FAM151B: variants seen among roughly 807,000 people sequenced by gnomAD.
The protein encoded by FAM151B is protein FAM151B.
Under a neutral mutation model 31.2 loss-of-function variants are expected in FAM151B, and 24 were observed. That is an observed-to-expected ratio of 0.77 (90% confidence interval 0.56 to 1.08). FAM151B has a LOEUF of 1.08. FAM151B is among the 50% of genes least tolerant of loss of function. The probability of loss-of-function intolerance (pLI) is 0.00; values close to 1 mark genes in which losing one functional copy is unlikely to be tolerated. For missense variants in FAM151B, 293 were observed against 328.6 expected (o/e 0.89, Z 0.84); for synonymous variants, 105 against 111.4 (o/e 0.94, Z 0.36).
chr5:80,500,817 TAAG>T lies in FAM151B; in HGVS notation c.26-971_26-969del, dbSNP rs893551568. On this transcript the variant is annotated intron_variant, in intron 1 of 5. Transcript: ENST00000282226. ...ACAAGCGTGGTTATGGCAAAATCAA[TAAG>T]AAGCGAATTGCTTTAACAGATAACA... 66 of 1,487,134 alleles carry T rather than the reference TAAG, an allele frequency of 4.4e-5. No individual in the cohort carries two copies. In the Admixed American group the frequency reaches 6.2e-4, roughly 14 times the overall value. 92.1% of individuals were successfully genotyped at this position (1,487,134 alleles called of 1,614,324 possible). A position where few individuals can be genotyped will look rare whatever the true frequency, so the allele number is the denominator to read the frequency against.
intron 1 of FAM151B, among the ~76,000 whole-genome samples, chr5:80,497,414 C>CAA (rs1187044492): frequency 1.0e-4 from 6 of 58,314 alleles, no homozygotes; most frequent in African/African-American, 1.2e-4. Context: ...GACTCCGGCT[C>CAA]AAAAAAAAAA....
At chr5:80,535,705 C>T (rs1053428937) in intron 5 of FAM151B, among the ~76,000 whole-genome samples, 2 of 152,146 alleles carry the variant, frequency 1.3e-5, no homozygotes, top group African/African-American at 4.8e-5. Flanking sequence ...TAATACCCCA[C>T]AAGCAAGGCA....
Position 80,527,016 on chromosome 5 carries a change from G to A in FAM151B, c.671+4878G>A, listed in dbSNP as rs117123095. 9.4e-4 allele frequency among the ~76,000 whole-genome samples: 143 copies of A among 152,314 alleles called. 3 individuals carry two copies. The East Asian group carries it at 0.025, about 26-fold the overall frequency. The stretch of plus-strand genomic sequence containing the variant: ...ACAGTGTTAGATAGTATTGCTAGTA[G>A]TGCCCAAACATATCTTATTCTTACC... On this transcript the variant is annotated intron_variant, in intron 5 of 5. Transcript: ENST00000282226.
chr5:80,495,891 G>C (rs938376842), intron 1 of FAM151B, among the ~76,000 whole-genome samples: 1 of 147,376 alleles, frequency 6.8e-6, no homozygotes, highest in Non-Finnish European at 1.5e-5. Flanking sequence ...TTAGAATGGA[G>C]CCTGAAGATG....
Position 80,541,187 on chromosome 5 carries a change from G to A in FAM151B, c.672-486G>A, listed in dbSNP as rs115670295. Among the ~76,000 whole-genome samples the A allele has an allele frequency of 5.8e-3, 882 of 152,256 alleles. 5 individuals carry two copies. The highest frequency in any genetic ancestry group is 0.02 in the African/African-American group (839 of 41,542). On this transcript the variant is annotated intron_variant, in intron 5 of 5. Transcript: ENST00000282226. ...CTTAGTGAAATCTCTTGGCATTCTT[G>A]TATCTCATACAAAAACCTCCAAAAG...
chr5:80,514,844 C>G (rs941408970), intron 3 of FAM151B, among the ~76,000 whole-genome samples: 1 of 152,040 alleles, frequency 6.6e-6, no homozygotes, highest in African/African-American at 2.4e-5. Context: ...TACCAGTAAA[C>G]CTTATTATAC....
chr5:80,525,321 A>G (rs1203195262), intron 5 of FAM151B, among the ~76,000 whole-genome samples: 1 of 152,180 alleles, frequency 6.6e-6, no homozygotes, highest in Non-Finnish European at 1.5e-5. Context: ...ATAAGACACT[A>G]TCACAATATT....
At chr5:80,494,894 A>G (rs984961686) in intron 1 of FAM151B, among the ~76,000 whole-genome samples, 5 of 152,160 alleles carry the variant, frequency 3.3e-5, no homozygotes, top group African/African-American at 9.7e-5. Flanking sequence ...AGAGGGGAAA[A>G]GCCAATATTT....
chr5:80,519,610 A>G (rs918830584), intron 3 of FAM151B, 83 bp from the exon 4 acceptor site: 2 of 1,099,912 alleles, frequency 1.8e-6, no homozygotes, highest in African/African-American at 1.6e-5. Context: ...TGAATTTGAG[A>G]ACATTGAGAC....
intron 3 of FAM151B, 60 bp downstream of exon 3, chr5:80,513,829 T>A: frequency 6.9e-7 from 1 of 1,452,388 alleles, no homozygotes; most frequent in South Asian, 1.4e-5. Flanking sequence ...CCTGACTACC[T>A]ATTTTTTTTA....
At chr5:80,520,482 T>C (rs770887101) in intron 4 of FAM151B, among the ~76,000 whole-genome samples, 20 of 151,598 alleles carry the variant, frequency 1.3e-4, no homozygotes, top group Non-Finnish European at 2.6e-4. Context: ...CCGTCTCTAC[T>C]AAAAATACAA....
chr5:80,515,176 G>C (rs935069356), intron 3 of FAM151B, among the ~76,000 whole-genome samples: 1 of 151,956 alleles, frequency 6.6e-6, no homozygotes, highest in African/African-American at 2.4e-5. Flanking sequence ...GGAGGTGGAG[G>C]TTGCAGTGAG....
intron 5 of FAM151B, among the ~76,000 whole-genome samples, chr5:80,534,951 A>G (rs1024928313): frequency 6.6e-6 from 1 of 152,218 alleles, no homozygotes; most frequent in South Asian, 2.1e-4. Context: ...TAACATTTCT[A>G]TATGCCAACA....
At chr5:80,512,502 G>T (rs560454859) in intron 2 of FAM151B, among the ~76,000 whole-genome samples, 2 of 152,124 alleles carry the variant, frequency 1.3e-5, no homozygotes, top group Non-Finnish European at 2.9e-5. Context: ...AACAGGATTG[G>T]CACAGTGGCT....
At chr5:80,531,681 A>C (rs184878460) in intron 5 of FAM151B, among the ~76,000 whole-genome samples, 1 of 152,202 alleles carries the variant, frequency 6.6e-6, no homozygotes, top group Non-Finnish European at 1.5e-5. Context: ...TCAAAACCAC[A>C]ATGAGAAACC....
intron 1 of FAM151B, among the ~76,000 whole-genome samples, chr5:80,488,390 T>G (rs557309273): frequency 1.1e-3 from 170 of 152,318 alleles, no homozygotes; most frequent in African/African-American, 3.9e-3. Context: ...AGGTCGAGAA[T>G]GGCAGGGTCA....
chr5:80,494,488 C>CTTTATTTA (rs1348490560), intron 1 of FAM151B, among the ~76,000 whole-genome samples: 9 of 142,628 alleles, frequency 6.3e-5, no homozygotes, highest in African/African-American at 2.5e-4. Flanking sequence ...TTCTTTCTTT[C>CTTTATTTA]TTTCTTTCTT....
chr5:80,528,656 C>A (rs1745081810), intron 5 of FAM151B, among the ~76,000 whole-genome samples: 1 of 151,702 alleles, frequency 6.6e-6, no homozygotes, highest in African/African-American at 2.4e-5. Flanking sequence ...GCTTGGGAGG[C>A]TGAGGTGGAG....
In FAM151B at chr5:80,488,145, C is replaced by T. The variant is rs768413097; in HGVS notation, c.22C>T (p.Pro8Ser). 1.0e-5 allele frequency: 16 copies of T among 1,543,196 alleles called. No homozygotes were observed. Among genetic ancestry groups the T allele is most frequent in the Non-Finnish European group, 1.4e-5 (16 of 1,147,090 alleles). ...CACCATGGCAGCATCCGCTGGAGGC[C>T]CAGGTAAGCGCCGAGCGCGCGGCCT... MAASAGG[P>S]GSWSENILEY... is the part of the protein sequence containing the mutation. Residue 8 changes from proline to serine, a missense_variant, in exon 1 of 6, where the codon CCA (proline) becomes TCA (serine). Pro to Ser is a moderately conservative substitution (Grantham distance 74, BLOSUM62 -1). Coordinates refer to ENST00000282226, the MANE Select transcript of FAM151B (RefSeq NM_205548.3).
Sources: gnomAD v4.1 joint callset for allele counts (sites outside exome capture counted in the v4.1 genomes callset) on GRCh38, gnomAD v4.1.1 for gene constraint, MANE v1.5 for transcripts, NCBI Gene and HGNC (gene_info 2026-07-23, HGNC 2026-07-21) for gene names.